CSGALNACT1: variants seen among roughly 807,000 people sequenced by gnomAD.
CSGALNACT1 encodes beta4GalNAcT-1.
CSGALNACT1 carries 52 observed loss-of-function variants against 51.0 expected under a neutral mutation model. The observed-to-expected ratio is 1.02, with a 90% CI of 0.82 to 1.29. The LOEUF (loss-of-function observed/expected upper bound fraction) is 1.29, where lower values mean the gene tolerates loss of function less well. Ranked by LOEUF, CSGALNACT1 falls within the 50% of genes most tolerant of loss-of-function variation. CSGALNACT1 has a pLI of 0.00. For missense variants in CSGALNACT1, 935 were observed against 679.2 expected, an observed-to-expected ratio of 1.38 and a Z score of -4.19; for synonymous variants, 341 against 254.4, an observed-to-expected ratio of 1.34 and a Z score of -3.24.
intron 3 of CSGALNACT1, among the ~76,000 whole-genome samples, chr8:19,544,600 A>C (rs1486443734): frequency 6.6e-6 from 1 of 152,200 alleles, no homozygotes; most frequent in East Asian, 1.9e-4. Context: ...TGGTGTTCAG[A>C]ATTCTGGAGA....
At chr8:19,684,528 C>T (rs2060862170), upstream of CSGALNACT1, among the ~76,000 whole-genome samples, 2 of 152,100 alleles carry the variant, frequency 1.3e-5, no homozygotes, top group African/African-American at 4.8e-5. Context: ...AACCCCAGGG[C>T]TCTCAGTTCC....
chr8:19,673,927 A>C (rs1259319194), intron 1 of CSGALNACT1, among the ~76,000 whole-genome samples: 1 of 152,216 alleles, frequency 6.6e-6, no homozygotes, highest in Non-Finnish European at 1.5e-5. Context: ...TATATTACTG[A>C]AAAGATAAAT....
intron 6 of CSGALNACT1, among the ~76,000 whole-genome samples, chr8:19,424,488 TG>T (rs943484729): frequency 2.0e-5 from 3 of 151,918 alleles, no homozygotes; most frequent in African/African-American, 4.8e-5. Context: ...AGGACTGAAC[TG>T]GAAAAACCAT....
At chr8:19,446,537 A>G (rs2062148730) in intron 5 of CSGALNACT1, among the ~76,000 whole-genome samples, 1 of 152,114 alleles carries the variant, frequency 6.6e-6, no homozygotes, top group Non-Finnish European at 1.5e-5. Flanking sequence ...TCATTCAGTT[A>G]CTGAGAGAGA....
At position 19,491,266 on chromosome 8, in the gene CSGALNACT1, C is replaced by T. The variant is rs184928912; in HGVS notation, c.634+13935G>A. On this transcript the variant is annotated intron_variant, in intron 4 of 9. Coordinates refer to ENST00000454498, the Ensembl canonical transcript of CSGALNACT1. The stretch of plus-strand genomic sequence containing the variant: ...GTACAATATTCTACTATAACGATAC[C>T]GCAAAATTTTACCAGTCTCCTATTG... Among the ~76,000 whole-genome samples the T allele has an allele frequency of 4.6e-5, 7 of 152,072 alleles. No individual in the cohort carries two copies. The East Asian group carries it at 5.8e-4, about 13-fold the overall frequency.
upstream of CSGALNACT1, among the ~76,000 whole-genome samples, chr8:19,604,895 A>T (rs1409916098): frequency 6.8e-6 from 1 of 147,450 alleles, no homozygotes; most frequent in Non-Finnish European, 1.5e-5. Context: ...AGCCTGGGCG[A>T]CAGAGCAAGA....
rs377008142 is a variant in CSGALNACT1, at chr8:19,627,276, GA to G, written c.-543-25412del. ...GATGGATCTCAAGATTATAGAGAGT[GA>G]AAAAGATCAATCTCCAAAGTTAAGA... On this transcript the variant is annotated intron_variant, in intron 1 of 9. Transcript: ENST00000332246. Among the ~76,000 whole-genome samples the G allele has an allele frequency of 7.9e-5, 12 of 152,238 alleles. No homozygotes were observed. The East Asian group carries it at 2.1e-3, about 27-fold the overall frequency.
intron 1 of CSGALNACT1, among the ~76,000 whole-genome samples, chr8:19,731,726 G>A (rs1001650269): frequency 3.9e-5 from 6 of 152,130 alleles, no homozygotes; most frequent in African/African-American, 1.4e-4. Context: ...TAAAATAGTT[G>A]CACTATGTAT....
chr8:19,408,503 C>T (rs1462481100), intron 9 of CSGALNACT1, 110 bp downstream of exon 8: 1 of 286,942 alleles, frequency 3.5e-6, no homozygotes, highest in Admixed American at 5.7e-5. Flanking sequence ...TTTTTGAAGG[C>T]AATGGTACCA....
intron 4 of CSGALNACT1, among the ~76,000 whole-genome samples, chr8:19,468,684 G>C (rs954312006): frequency 6.6e-6 from 1 of 152,104 alleles, no homozygotes; most frequent in Admixed American, 6.6e-5. Context: ...GGCAGGTGAG[G>C]GAGAGGGAGA....
intron 4 of CSGALNACT1, among the ~76,000 whole-genome samples, chr8:19,489,682 C>G (rs1360854216): frequency 6.6e-6 from 1 of 152,194 alleles, no homozygotes; most frequent in Non-Finnish European, 1.5e-5. Context: ...GAAAATGGAG[C>G]ATAAGGAATC....
At chr8:19,678,233 T>G (rs1448730145) in intron 1 of CSGALNACT1, among the ~76,000 whole-genome samples, 1 of 152,180 alleles carries the variant, frequency 6.6e-6, no homozygotes, top group Non-Finnish European at 1.5e-5. Context: ...ACACTCAGCA[T>G]ACCGGGGCAA....
chr8:19,505,577 C>CAGCT lies in CSGALNACT1; in HGVS notation c.254_257dup (p.Gln87AlafsTer6). 6.2e-7 allele frequency: 1 copy of CAGCT among 1,614,038 alleles called. No homozygotes were observed. The highest frequency in any genetic ancestry group is 8.5e-7 in the Non-Finnish European group (1 of 1,180,046). The stretch of plus-strand genomic sequence containing the variant: ...TCCTGAGCTGCTCACTCCTCTCCTG[C>CAGCT]AGCTCCTCCTTGAGCTGTGCGATCT... On this transcript the variant is annotated frameshift_variant, in exon 4 of 10. Coordinates refer to ENST00000454498, the Ensembl canonical transcript of CSGALNACT1. LOFTEE classifies it high-confidence loss of function.
chr8:19,546,300 G>T (rs4922058), intron 3 of CSGALNACT1, among the ~76,000 whole-genome samples: 52,896 of 151,898 alleles, frequency 0.35, 9,580 homozygotes, highest in African/African-American at 0.44. Flanking sequence ...ATGCCTAGAG[G>T]GCTGTGCTTC....
intron 5 of CSGALNACT1, among the ~76,000 whole-genome samples, chr8:19,444,732 G>A (rs191201115): frequency 4.6e-4 from 70 of 152,232 alleles, no homozygotes; most frequent in Non-Finnish European, 4.7e-4. Context: ...TAGAAGACAC[G>A]GTTCTTGCCC....
exon 4 of CSGALNACT1, chr8:19,505,374 T>G: frequency 6.2e-7 from 1 of 1,614,200 alleles, no homozygotes; most frequent in South Asian, 1.1e-5. Context: ...GTACACCTTC[T>G]GTAGAGTAAA....
intron 1 of CSGALNACT1, among the ~76,000 whole-genome samples, chr8:19,749,433 T>C (rs2064891927): frequency 6.6e-6 from 1 of 152,176 alleles, no homozygotes; most frequent in South Asian, 2.1e-4. Context: ...GGCTGGTTTA[T>C]GCCTATGTGC....
At chr8:19,620,317 A>T (rs1426949810) in intron 1 of CSGALNACT1, among the ~76,000 whole-genome samples, 1 of 11,158 alleles carries the variant, frequency 9.0e-5, no homozygotes, top group Non-Finnish European at 2.2e-4. Context: ...TCTGTCTCAA[A>T]AAAAAAAAAA....
intron 6 of CSGALNACT1, among the ~76,000 whole-genome samples, chr8:19,434,904 G>C (rs971495325): frequency 2.6e-5 from 4 of 151,876 alleles, no homozygotes; most frequent in Non-Finnish European, 5.9e-5. Context: ...AAAAAGCCTG[G>C]AACAAACCAT....
Sources: allele counts gnomAD v4.1 joint callset (sites outside exome capture counted in the v4.1 genomes callset), GRCh38; gene constraint gnomAD v4.1.1; transcripts MANE v1.5; gene names NCBI Gene and HGNC (gene_info 2026-07-23, HGNC 2026-07-21).